The following SYCP2 variants were observed in gnomAD, a reference collection of about 807,000 sequenced individuals.
SYCP2 encodes the protein synaptonemal complex lateral element protein.
In SYCP2, 55 loss-of-function variants were observed where a neutral mutation model predicts 211.3. The observed-to-expected ratio is 0.26, with a 90% confidence interval of 0.21 to 0.33. The LOEUF (loss-of-function observed/expected upper bound fraction) is 0.33, where lower values mean the gene tolerates loss of function less well. Among genes scored for constraint, SYCP2 ranks in the 10% least tolerant of loss-of-function variants. SYCP2 has a pLI of 1.00. For missense variants in SYCP2, 1,731 were observed against 1,752.0 expected (o/e 0.99, Z 0.21); for synonymous variants, 570 against 555.2 (o/e 1.03, Z -0.37).
chr20:59,877,436 T>C lies in SYCP2; in HGVS notation c.3099A>G (p.Ser1033=). ...AATGTGAAAATTCTTGTTCACACTC[T>C]GATTCTGAATTTGAGAGATCTTTAT... The part of the protein sequence containing the change: ...KNYKDLSNSE[S]ECEQEFSHSF... The change falls in exon 33 of 45, where the codon TCA becomes TCG. Residue 1033 remains serine (S), a synonymous_variant. Coordinates refer to ENST00000357552, the MANE Select transcript of SYCP2 (RefSeq NM_014258.4). The C allele has an allele frequency of 6.2e-7, 1 of 1,602,180 alleles. No homozygotes were observed. The highest frequency in any genetic ancestry group is 8.5e-7 in the Non-Finnish European group (1 of 1,176,972).
rs957892208 is a variant in SYCP2, at chr20:59,863,941, A to G, written c.*370T>C. On this transcript the variant is annotated 3_prime_UTR_variant, in exon 45 of 45. Transcript: ENST00000357552. The stretch of plus-strand genomic sequence containing the variant: ...ATTCTAAGTTATTAAACATATTTTA[A>G]TTATATTCATCCCCAAACTGCATTG... 3 of 153,034 alleles carry G rather than the reference A, an allele frequency of 2.0e-5. No individual in the cohort carries two copies. Among genetic ancestry groups the G allele is most frequent in the Non-Finnish European group, 4.4e-5 (3 of 68,652 alleles). 9.5% of individuals were successfully genotyped at this position (153,034 alleles called of 1,614,324 possible).
chr20:59,897,565 T>C (rs2060033692), intron 18 of SYCP2, among the ~76,000 whole-genome samples: 1 of 152,144 alleles, frequency 6.6e-6, no homozygotes, highest in South Asian at 2.1e-4. Context: ...ATCAGCATTG[T>C]TAATAAGCAC....
intron 18 of SYCP2, among the ~76,000 whole-genome samples, chr20:59,899,497 A>G (rs151218302): frequency 3.9e-5 from 6 of 152,336 alleles, no homozygotes; most frequent in African/African-American, 1.4e-4. Context: ...AAAGAAGGCA[A>G]CAAGATGTTC....
intron 31 of SYCP2, among the ~76,000 whole-genome samples, chr20:59,879,858 TATATACAC>T (rs1325385884): frequency 8.6e-5 from 10 of 116,710 alleles, no homozygotes; most frequent in African/African-American, 2.8e-4. Context: ...TATATATATA[TATATACAC>T]ACACACACAC....
Position 59,900,159 on chromosome 20 carries a change from A to C in SYCP2, c.1383T>G (p.Asn461Lys). ...TTACCTCAAGCTGACTATTATTTCT[A>C]TTCCCTTTGTCACTGTTTTTGATAT... ...SKYIKNSDKG[N>K]RNNSQLEKTT... The change falls in exon 18 of 45, where the codon AAT becomes AAG. Residue 461 changes from asparagine (N) to lysine (K), a missense_variant. By Grantham distance (94) the Asn-to-Lys change is moderately conservative. Around this residue, in one of 3 missense-constraint regions of SYCP2, gnomAD observed 1,387 missense variants for 1,351.3 expected, o/e 1.03. Coordinates refer to ENST00000357552, the MANE Select transcript of SYCP2 (RefSeq NM_014258.4). 1 of 1,613,244 alleles carries C rather than the reference A, an allele frequency of 6.2e-7. No homozygotes were observed. The highest frequency in any genetic ancestry group is 8.5e-7 in the Non-Finnish European group (1 of 1,179,540).
intron 24 of SYCP2, among the ~76,000 whole-genome samples, chr20:59,890,657 A>T: frequency 6.6e-6 from 1 of 151,992 alleles, no homozygotes; most frequent in East Asian, 1.9e-4. Context: ...GGATACAGGT[A>T]GTGACTCTAT....
At chr20:59,930,406 A>C (rs932145192) in intron 2 of SYCP2, among the ~76,000 whole-genome samples, 1 of 152,234 alleles carries the variant, frequency 6.6e-6, no homozygotes, top group East Asian at 1.9e-4. Context: ...GGTAAGAGAA[A>C]AGAGATATTG....
Position 59,866,497 on chromosome 20 carries a change from A to G in SYCP2, c.4218T>C (p.Ser1406=), listed in dbSNP as rs1358323655. 1 of 1,607,604 alleles carries G rather than the reference A, an allele frequency of 6.2e-7. No homozygotes were observed. The highest frequency in any genetic ancestry group is 8.5e-7 in the Non-Finnish European group (1 of 1,176,832). The change falls in exon 40 of 45, where the codon TCT becomes TCC. Residue 1406 remains serine, a splice_region_variant and synonymous_variant. Transcript: ENST00000357552. ...CAGAACAGATTTTTATTACAGACCTAGAGTCCTGACTTTGATGATTCATTG... is the reference window on the plus strand; with the variant it reads ...CAGAACAGATTTTTATTACAGACCTGGAGTCCTGACTTTGATGATTCATTG... ...LRTMNHQSQD[S]RIKKLDKFQF...
chr20:59,900,362 G>T, intron 17 of SYCP2, 78 bp from the exon 18 acceptor site: 2 of 1,231,724 alleles, frequency 1.6e-6, no homozygotes, highest in Non-Finnish European at 2.2e-6. Context: ...GATGTCTTAA[G>T]CTCCTACTCA....
intron 2 of SYCP2, among the ~76,000 whole-genome samples, chr20:59,927,378 T>C (rs768954580): frequency 9.9e-5 from 15 of 152,096 alleles, no homozygotes; most frequent in Non-Finnish European, 2.1e-4. Context: ...TTGTTCAGTA[T>C]AGTACATCAA....
intron 2 of SYCP2, among the ~76,000 whole-genome samples, chr20:59,928,808 CTAGA>C (rs1454114685): frequency 6.6e-6 from 1 of 151,882 alleles, no homozygotes; most frequent in African/African-American, 2.4e-5. Context: ...AAAATAAGGT[CTAGA>C]TAAATTAACT....
intron 39 of SYCP2, 126 bp downstream of exon 39, chr20:59,867,585 T>C: frequency 1.5e-6 from 1 of 688,560 alleles, no homozygotes; most frequent in South Asian, 2.0e-5. Context: ...TATTCACATA[T>C]AAGGAAAGTT....
intron 2 of SYCP2, among the ~76,000 whole-genome samples, chr20:59,930,281 A>C (rs1430291026): frequency 1.3e-5 from 2 of 152,228 alleles, no homozygotes; most frequent in Non-Finnish European, 2.9e-5. Context: ...AAAAATGCTT[A>C]AAGAAGTCGG....
chr20:59,904,052 A>G (rs981906898), intron 15 of SYCP2, among the ~76,000 whole-genome samples: 5 of 152,172 alleles, frequency 3.3e-5, no homozygotes, highest in African/African-American at 1.2e-4. Context: ...TCTGCTGGAG[A>G]AAAGAAGACA....
Position 59,892,059 on chromosome 20 carries a change from T to C in SYCP2, c.2295A>G (p.Gln765=), listed in dbSNP as rs1246320392. The change falls in exon 24 of 45, where the codon CAA becomes CAG. Residue 765 remains glutamine (Q), a synonymous_variant. Transcript: ENST00000357552. ...ATTCTTTCTCTGCTTTTCTATGACT[T>C]TGCACATTTTTGCTAGCAGATGGAT... The part of the protein sequence containing the change: ...DKNPSASKNV[Q]SHRKAEKELT... 2 of 1,611,454 alleles carry C rather than the reference T, an allele frequency of 1.2e-6. No individual in the cohort carries two copies. Among genetic ancestry groups the C allele is most frequent in the African/African-American group, 1.3e-5 (1 of 74,870 alleles).
At chr20:59,876,990 G>C (rs1315233801) in intron 33 of SYCP2, among the ~76,000 whole-genome samples, 1 of 152,094 alleles carries the variant, frequency 6.6e-6, no homozygotes, top group Non-Finnish European at 1.5e-5. Flanking sequence ...TGAGACATAA[G>C]GAAGAAGTCA....
Position 59,893,606 on chromosome 20 carries a change from G to T in SYCP2, c.1666-13C>A. ...CAGTTTTGATATGCTGTAAACACAGGAAACAGGTTAACGTAAACTTAAGAT... is the reference window on the plus strand; with the variant it reads ...CAGTTTTGATATGCTGTAAACACAGTAAACAGGTTAACGTAAACTTAAGAT... On this transcript the variant is annotated splice_polypyrimidine_tract_variant and intron_variant, in intron 20 of 44. Coordinates refer to ENST00000357552, the MANE Select transcript of SYCP2 (RefSeq NM_014258.4). The T allele has an allele frequency of 1.9e-6, 3 of 1,592,396 alleles. No homozygotes were observed. Among genetic ancestry groups the T allele is most frequent in the Non-Finnish European group, 2.6e-6 (3 of 1,165,736 alleles).
At position 59,875,260 on chromosome 20, in the gene SYCP2, G is replaced by C. The variant is rs769374439; in HGVS notation, c.3349+11C>G. On this transcript the variant is annotated intron_variant, in intron 34 of 44. Transcript: ENST00000357552. Reference sequence around the variant, plus strand: ...AATATTCAAGTAAAGAAAAAACAAAGTTATACTGACATCTCGTTACTTCTA... The same window carrying C: ...AATATTCAAGTAAAGAAAAAACAAACTTATACTGACATCTCGTTACTTCTA... 1 of 1,562,122 alleles carries C rather than the reference G, an allele frequency of 6.4e-7. No individual in the cohort carries two copies. Among genetic ancestry groups the C allele is most frequent in the Non-Finnish European group, 8.7e-7 (1 of 1,148,836 alleles).
intron 12 of SYCP2, among the ~76,000 whole-genome samples, 178 bp from the exon 13 acceptor site, chr20:59,912,596 T>A (rs2060352551): frequency 6.6e-6 from 1 of 152,228 alleles, no homozygotes; most frequent in Non-Finnish European, 1.5e-5. Flanking sequence ...GACATTTATG[T>A]AGAGAAAATC....
Sources: gnomAD v4.1 joint callset for allele counts (sites outside exome capture counted in the v4.1 genomes callset) on GRCh38, gnomAD v4.1.1 for gene constraint, gnomAD v4.1.1 regional missense constraint, MANE v1.5 for transcripts, NCBI Gene and HGNC (gene_info 2026-07-23, HGNC 2026-07-21) for gene names.